Variants in LIFR observed in about 807,000 individuals in gnomAD.
LIFR encodes leukemia inhibitory factor receptor.
Under a neutral mutation model 122.2 loss-of-function variants are expected in LIFR, and 84 were observed. The ratio of observed to expected loss-of-function variants is 0.69; its 90% CI spans 0.58 to 0.82. LIFR has a LOEUF of 0.82. Among genes scored for constraint, LIFR ranks in the 40% least tolerant of loss-of-function variants. The pLI, the probability that LIFR is intolerant of heterozygous loss-of-function variation, is 0.00. For synonymous variants in LIFR, 422 were observed against 434.7 expected, an observed-to-expected ratio of 0.97 and a Z score of 0.36; for missense variants, 1,294 against 1,311.6, an observed-to-expected ratio of 0.99 and a Z score of 0.21.
rs545936084 is a variant in LIFR, at chr5:38,487,517, T to C, written c.2336-1537A>G. On this transcript the variant is annotated intron_variant, in intron 16 of 19. Transcript: ENST00000453190. ...TCATAATGACATACCTTGGCATAGA[T>C]CTTTTTTCTATTTATTTTGCTGTGT... 2.0e-4 allele frequency among the ~76,000 whole-genome samples: 31 copies of C among 152,318 alleles called. No individual in the cohort carries two copies. In the South Asian group the frequency reaches 6.4e-3, roughly 32 times the overall value.
chr5:38,526,566 G>A (rs954888390), intron 4 of LIFR, among the ~76,000 whole-genome samples: 2 of 152,034 alleles, frequency 1.3e-5, no homozygotes, highest in Admixed American at 6.6e-5. Flanking sequence ...ATCCTCTAAA[G>A]GACAGCTATA....
rs1321881116 is a variant in LIFR at position 38,528,688 on chromosome 5, A to C, written c.257+38T>G. 3 of 1,244,336 alleles carry C rather than the reference A, an allele frequency of 2.4e-6. 1 individual carries two copies. In the Admixed American group the frequency reaches 5.9e-5, roughly 24 times the overall value. The allele number at this position is 1,244,336 out of a possible 1,614,324, so 77.1% of individuals were successfully genotyped here. A position where few individuals can be genotyped will look rare whatever the true frequency, so the allele number is the denominator to read the frequency against. ...GAACTGAGGGTCGTTTCTGCAATTC[A>C]ACCTAGCTCATTGTGAATTAAAGTA... On this transcript the variant is annotated intron_variant, in intron 3 of 19. Coordinates refer to ENST00000453190, the MANE Select transcript of LIFR (RefSeq NM_001127671.2).
At chr5:38,508,785 C>T (rs985289276) in intron 7 of LIFR, among the ~76,000 whole-genome samples, 57 of 151,912 alleles carry the variant, frequency 3.8e-4, no homozygotes, top group African/African-American at 1.4e-3. Context: ...AGGGTTTCAC[C>T]GTGTTAGCCA....
rs148348072 is a variant in LIFR, at chr5:38,515,978, G to T, written c.562-4014C>A. ...GATATCATAAAATGACTGATCACAAGCAATTTTGTCTTAAATACTGACATT... is the reference window on the plus strand; with the variant it reads ...GATATCATAAAATGACTGATCACAATCAATTTTGTCTTAAATACTGACATT... On this transcript the variant is annotated intron_variant, in intron 5 of 19. Coordinates refer to ENST00000453190, the MANE Select transcript of LIFR (RefSeq NM_001127671.2). Among the ~76,000 whole-genome samples, 355 of 152,206 alleles carry T rather than the reference G, an allele frequency of 2.3e-3. 2 individuals carry two copies. The highest frequency in any genetic ancestry group is 3.4e-3 in the Non-Finnish European group (231 of 68,008).
At chr5:38,499,244 T>A (rs959799315) in intron 12 of LIFR, among the ~76,000 whole-genome samples, 8 of 152,074 alleles carry the variant, frequency 5.3e-5, no homozygotes, top group African/African-American at 1.9e-4. Context: ...GTGAGGGAGA[T>A]GGAATTCATG....
Position 38,582,646 on chromosome 5 carries a change from G to C in LIFR, c.-20+12615C>G, listed in dbSNP as rs1749623952. 3.3e-5 allele frequency among the ~76,000 whole-genome samples: 5 copies of C among 152,260 alleles called. No homozygotes were observed. In the South Asian group the frequency reaches 1.0e-3, roughly 32 times the overall value. Reference sequence around the variant, plus strand: ...GCAAAATTATCTCCATGAACCACCAGTAAGCTTCATCTTTAGTAACCTTTT... The same window carrying C: ...GCAAAATTATCTCCATGAACCACCACTAAGCTTCATCTTTAGTAACCTTTT... On this transcript the variant is annotated intron_variant, in intron 1 of 19. Transcript: ENST00000263409.
At chr5:38,523,156 A>G (rs1222483839) in intron 5 of LIFR, among the ~76,000 whole-genome samples, 1 of 152,220 alleles carries the variant, frequency 6.6e-6, no homozygotes, top group Non-Finnish European at 1.5e-5. Context: ...AGGAATACAC[A>G]AAAACAGTAC....
chr5:38,479,363 T>C lies in LIFR; in HGVS notation c.*2232A>G, dbSNP rs1743869806. 3 of 230,834 alleles carry C rather than the reference T, an allele frequency of 1.3e-5. No homozygotes were observed. Among genetic ancestry groups the C allele is most frequent in the Non-Finnish European group, 2.6e-5 (3 of 116,668 alleles). 14.3% of individuals were successfully genotyped at this position (230,834 alleles called of 1,614,324 possible). On this transcript the variant is annotated 3_prime_UTR_variant, in exon 20 of 20. Transcript: ENST00000453190. ...GGGAAAGGTGAGTGATATTCTGCAC[T>C]TTTTTCATACAGAAAAAAACAATGA...
chr5:38,527,901 C>T (rs569879081), intron 3 of LIFR, among the ~76,000 whole-genome samples: 8 of 152,256 alleles, frequency 5.3e-5, no homozygotes, highest in Non-Finnish European at 1.2e-4. Flanking sequence ...ACTTCTTATA[C>T]AAATGTTTAC....
chr5:38,540,339 G>A (rs147278435), intron 1 of LIFR, among the ~76,000 whole-genome samples: 410 of 152,292 alleles, frequency 2.7e-3, no homozygotes, highest in African/African-American at 9.5e-3. Flanking sequence ...GCTCTCCCCC[G>A]ACCTGTCCGG....
chr5:38,527,437 A>C, intron 3 of LIFR, 143 bp from the exon 4 acceptor site: 2 of 614,362 alleles, frequency 3.3e-6, no homozygotes. Flanking sequence ...GCATTTTAAG[A>C]CTGAAAAAAC....
At chr5:38,539,106 G>T (rs541276855) in intron 1 of LIFR, among the ~76,000 whole-genome samples, 1 of 152,048 alleles carries the variant, frequency 6.6e-6, no homozygotes, top group African/African-American at 2.4e-5. Context: ...GACTACAGGC[G>T]CCTGCCACTG....
At chr5:38,533,230 T>C (rs1249787026) in intron 1 of LIFR, among the ~76,000 whole-genome samples, 3 of 152,350 alleles carry the variant, frequency 2.0e-5, no homozygotes, top group Admixed American at 2.0e-4. Context: ...GACCAGTTTG[T>C]TTCCTATACT....
chr5:38,510,736 A>C lies in LIFR; in HGVS notation c.737-18T>G, dbSNP rs367692472. The C allele has an allele frequency of 6.3e-7, 1 of 1,592,580 alleles. No homozygotes were observed. The highest frequency in any genetic ancestry group is 1.1e-5 in the South Asian group (1 of 90,184). ...AGGTATCCCTAGAAAGAAAAAGAGG[A>C]ATTATAAACATTTTATATAGAAGTA... On this transcript the variant is annotated intron_variant, in intron 6 of 19. Transcript: ENST00000453190.
chr5:38,541,178 T>G (rs995598635), intron 1 of LIFR, among the ~76,000 whole-genome samples: 1 of 152,208 alleles, frequency 6.6e-6, no homozygotes, highest in Non-Finnish European at 1.5e-5. Context: ...GTGAAACATC[T>G]TCTATGTAAG....
chr5:38,509,246 C>T (rs1450759421), intron 7 of LIFR, among the ~76,000 whole-genome samples: 1 of 152,204 alleles, frequency 6.6e-6, no homozygotes, highest in Non-Finnish European at 1.5e-5. Context: ...GAAGCAACTT[C>T]ACTACATATA....
At chr5:38,554,188 T>C (rs1170608408) in intron 1 of LIFR, among the ~76,000 whole-genome samples, 1 of 152,250 alleles carries the variant, frequency 6.6e-6, no homozygotes, top group Non-Finnish European at 1.5e-5. Flanking sequence ...TCTTTTCTTT[T>C]GTTAAAACAA....
rs1317522646 is a variant in LIFR at position 38,475,187 on chromosome 5, T to C, written c.*6408A>G. The C allele has an allele frequency of 5.4e-6, 1 of 185,430 alleles. No individual in the cohort carries two copies. The highest frequency in any genetic ancestry group is 2.3e-5 in the African/African-American group (1 of 42,716). The allele number at this position is 185,430 out of a possible 1,614,324, so 11.5% of individuals were successfully genotyped here. Reference sequence around the variant, plus strand: ...ACTAAATTCTGAAATTATACAATGATATAAAGTGTCCAAATTTCCCATTCT... The same window carrying C: ...ACTAAATTCTGAAATTATACAATGACATAAAGTGTCCAAATTTCCCATTCT... On this transcript the variant is annotated 3_prime_UTR_variant, in exon 20 of 20. Coordinates refer to ENST00000453190, the MANE Select transcript of LIFR (RefSeq NM_001127671.2).
At chr5:38,494,861 C>T (rs1744797075) in intron 13 of LIFR, among the ~76,000 whole-genome samples, 1 of 152,192 alleles carries the variant, frequency 6.6e-6, no homozygotes, top group African/African-American at 2.4e-5. Context: ...GTAAAACCAA[C>T]ACAGACATTA....
Sources: gnomAD v4.1 joint callset for allele counts (sites outside exome capture counted in the v4.1 genomes callset) on GRCh38, gnomAD v4.1.1 for gene constraint, MANE v1.5 for transcripts, NCBI Gene and HGNC (gene_info 2026-07-23, HGNC 2026-07-21) for gene names.